The following PEPD variants were observed in gnomAD, a reference collection of about 807,000 sequenced individuals.
The protein encoded by PEPD is xaa-Pro dipeptidase.
Under a neutral mutation model 60.7 loss-of-function variants are expected in PEPD, and 53 were observed. The ratio of observed to expected loss-of-function variants is 0.87; its 90% confidence interval spans 0.70 to 1.10. PEPD has a LOEUF of 1.10. PEPD is among the 50% of genes least tolerant of loss of function. The pLI is 0.00. For missense variants in PEPD, 711 were observed against 711.9 expected (o/e 1.00, Z 0.01); for synonymous variants, 267 against 284.1 (o/e 0.94, Z 0.60).
At chr19:33,450,697 T>A (rs1969681297) in intron 9 of PEPD, among the ~76,000 whole-genome samples, 1 of 151,884 alleles carries the variant, frequency 6.6e-6, no homozygotes, top group African/African-American at 2.4e-5. Context: ...ACAATGCAAA[T>A]GTTGAAAATA....
chr19:33,468,424 C>T (rs1025853288), intron 7 of PEPD, among the ~76,000 whole-genome samples: 1 of 152,268 alleles, frequency 6.6e-6, no homozygotes, highest in Non-Finnish European at 1.5e-5. Flanking sequence ...GGCACCTCTC[C>T]TGCATCTCCT....
chr19:33,491,279 G>C (rs956721729), intron 5 of PEPD, among the ~76,000 whole-genome samples: 1 of 151,924 alleles, frequency 6.6e-6, no homozygotes, highest in African/African-American at 2.4e-5. Flanking sequence ...GCGAAACCCC[G>C]TCTCTAACAA....
chr19:33,474,159 C>A (rs1017966142), intron 7 of PEPD, among the ~76,000 whole-genome samples: 3 of 152,206 alleles, frequency 2.0e-5, no homozygotes, highest in African/African-American at 7.2e-5. Flanking sequence ...TCCAAGGGTG[C>A]TGGACCGTAC....
chr19:33,521,737 C>A lies in PEPD; in HGVS notation c.17+7G>T. 6.3e-7 allele frequency: 1 copy of A among 1,579,996 alleles called. No individual in the cohort carries two copies. On this transcript the variant is annotated splice_region_variant and intron_variant, in intron 1 of 14. Transcript: ENST00000244137. ...GCGGGAAAGAGCGAGGGAGGCGCAG[C>A]ACTCACCCGGTGGCCGCCGCCATGT...
chr19:33,499,740 C>T (rs1024291245), intron 4 of PEPD, among the ~76,000 whole-genome samples: 2 of 152,178 alleles, frequency 1.3e-5, no homozygotes, highest in African/African-American at 4.8e-5. Flanking sequence ...AGGAGAAAGA[C>T]AGAGAAATGG....
intron 1 of PEPD, 72 bp downstream of exon 1, chr19:33,521,672 C>A (rs1412209648): frequency 1.3e-6 from 2 of 1,489,434 alleles, no homozygotes; most frequent in East Asian, 2.4e-5. Context: ...ACGCTCTCAC[C>A]CGCGGTCCGG....
rs1257277052 is a variant in PEPD at position 33,500,986 on chromosome 19, C to G, written c.345G>C (p.Glu115Asp). ...ATWMGKIHSKEHFKEKYAVDD... is the reference protein window; with the variant it reads ...ATWMGKIHSKDHFKEKYAVDD... ...CCACGGCATACTTCTCCTTGAAGTG[C>G]TCCTTGGAATGGATCCTCAAAGAAA... The change falls in exon 4 of 15, where the codon GAG (glutamate) becomes GAC (aspartate). Residue 115 changes from glutamate to aspartate, a missense_variant. Glu to Asp is a conservative substitution (Grantham distance 45, BLOSUM62 2). Coordinates refer to ENST00000244137, the MANE Select transcript of PEPD (RefSeq NM_000285.4). 6.2e-7 allele frequency: 1 copy of G among 1,600,806 alleles called. No homozygotes were observed. Among genetic ancestry groups the G allele is most frequent in the South Asian group, 1.1e-5 (1 of 90,808 alleles).
chr19:33,462,367 C>T (rs573687735), intron 9 of PEPD, among the ~76,000 whole-genome samples: 18 of 152,300 alleles, frequency 1.2e-4, no homozygotes, highest in Middle Eastern at 3.4e-3. Context: ...CCCCAGGACA[C>T]GGGTGGGAAG....
intron 9 of PEPD, among the ~76,000 whole-genome samples, chr19:33,422,412 A>G (rs1406188154): frequency 7.5e-6 from 1 of 132,492 alleles, no homozygotes; most frequent in Non-Finnish European, 1.7e-5. Flanking sequence ...CCATCACTCT[A>G]GATCTACCTA....
At chr19:33,452,004 C>T (rs1277929261) in intron 9 of PEPD, among the ~76,000 whole-genome samples, 1 of 152,076 alleles carries the variant, frequency 6.6e-6, no homozygotes, top group African/African-American at 2.4e-5. Context: ...AGATAATAAA[C>T]CTGATTCATG....
At chr19:33,391,886 G>A (rs538414542) in intron 12 of PEPD, among the ~76,000 whole-genome samples, 14 of 152,330 alleles carry the variant, frequency 9.2e-5, no homozygotes, top group African/African-American at 3.1e-4. Context: ...GCAGACACCA[G>A]GAGACTCTGT....
intron 9 of PEPD, among the ~76,000 whole-genome samples, chr19:33,462,548 G>A (rs1600135967): frequency 6.6e-6 from 1 of 152,240 alleles, no homozygotes. Flanking sequence ...AGCCCTAATA[G>A]GAGCAGAAGG....
chr19:33,418,136 G>A (rs1291757341), intron 9 of PEPD, among the ~76,000 whole-genome samples: 1 of 152,232 alleles, frequency 6.6e-6, no homozygotes, highest in East Asian at 1.9e-4. Context: ...CACAGAGAGT[G>A]AGAAGTACCT....
intron 3 of PEPD, among the ~76,000 whole-genome samples, chr19:33,502,521 C>A (rs1414600445): frequency 6.6e-6 from 1 of 152,190 alleles, no homozygotes; most frequent in African/African-American, 2.4e-5. Context: ...GCAAACCCCC[C>A]CTTTTTTTTG....
intron 9 of PEPD, among the ~76,000 whole-genome samples, chr19:33,441,132 A>T (rs1969472831): frequency 6.6e-6 from 1 of 152,186 alleles, no homozygotes; most frequent in Non-Finnish European, 1.5e-5. Flanking sequence ...TCTGGAAACG[A>T]TGTCTGATCC....
intron 7 of PEPD, among the ~76,000 whole-genome samples, chr19:33,476,058 ATC>A (rs1376720105): frequency 1.3e-5 from 2 of 152,006 alleles, no homozygotes; most frequent in Non-Finnish European, 2.9e-5. Flanking sequence ...TAGAGATGGG[ATC>A]TCTCTATGTT....
chr19:33,476,691 T>G (rs1970221024), intron 7 of PEPD, among the ~76,000 whole-genome samples: 1 of 152,118 alleles, frequency 6.6e-6, no homozygotes, highest in East Asian at 1.9e-4. Flanking sequence ...TGAGACAGAG[T>G]CTTGCTCTGT....
intron 1 of PEPD, among the ~76,000 whole-genome samples, chr19:33,515,758 C>T (rs1426341675): frequency 1.3e-5 from 2 of 152,050 alleles, no homozygotes; most frequent in African/African-American, 2.4e-5. Context: ...ATAGCCCAGC[C>T]CAGCCCACCT....
intron 13 of PEPD, 70 bp downstream of exon 13, chr19:33,391,202 GCCTGCTGCCTCCTAGAGTCCCAC>G: frequency 9.8e-7 from 1 of 1,015,736 alleles, no homozygotes; most frequent in Non-Finnish European, 1.5e-6. Context: ...CCCAATACAC[GCCTGCTGCCTCCTAGAGTCCCAC>G]CCTGCCCTGG....
Sources: allele counts gnomAD v4.1 joint callset (sites outside exome capture counted in the v4.1 genomes callset), GRCh38; gene constraint gnomAD v4.1.1; transcripts MANE v1.5; gene names NCBI Gene and HGNC (gene_info 2026-07-23, HGNC 2026-07-21).